The following DDX1 variants were observed in gnomAD, a reference collection of about 807,000 sequenced individuals.
The protein encoded by DDX1 is DEAD-box helicase 1, also known as ATP-dependent RNA helicase DDX1.
DDX1 carries 28 observed loss-of-function variants against 108.7 expected under a neutral mutation model. The ratio of observed to expected loss-of-function variants is 0.26; its 90% CI spans 0.19 to 0.35. DDX1 has a LOEUF of 0.35. DDX1 is among the 10% of genes least tolerant of loss of function. The probability of loss-of-function intolerance (pLI) is 1.00; values close to 1 mark genes in which losing one functional copy is unlikely to be tolerated. For synonymous variants in DDX1, 295 were observed against 288.9 expected, an observed-to-expected ratio of 1.02 and a Z score of -0.21; for missense variants, 710 against 884.5, an observed-to-expected ratio of 0.80 and a Z score of 2.50.
intron 17 of DDX1, 124 bp from the exon 18 acceptor site, chr2:15,620,941 T>G (rs1665994461): frequency 1.7e-6 from 1 of 598,094 alleles, no homozygotes; most frequent in South Asian, 2.6e-5. Flanking sequence ...GATTATATTA[T>G]GAAGACATAT....
At chr2:15,611,630 G>A (rs1417567188) in intron 13 of DDX1, among the ~76,000 whole-genome samples, 2 of 107,956 alleles carry the variant, frequency 1.9e-5, no homozygotes, top group African/African-American at 5.2e-5. Context: ...CTTCCCAGTA[G>A]GGGTGGCCGG....
rs1558454233 is a variant in DDX1, at chr2:15,608,673, T to TTG, written c.956+1361_956+1362insGT. 3.4e-5 allele frequency among the ~76,000 whole-genome samples: 5 copies of TTG among 146,762 alleles called. 1 individual carries two copies. In the South Asian group the frequency reaches 8.7e-4, roughly 26 times the overall value. ...TGTGTTTTTTTTTAGGTTTTTTTTT[T>TTG]TTTTTTTTTTTTATGAAGTCTCGCT... On this transcript the variant is annotated intron_variant, in intron 13 of 25. Transcript: ENST00000233084.
chr2:15,602,492 T>G, intron 6 of DDX1, 56 bp from the exon 7 acceptor site: 1 of 1,283,426 alleles, frequency 7.8e-7, no homozygotes, highest in Non-Finnish European at 1.1e-6. Context: ...GGTGGGAATG[T>G]ATGATTTATA....
intron 20 of DDX1, chr2:15,627,414 TAGG>T (rs755796871): frequency 4.8e-5 from 13 of 271,156 alleles, no homozygotes; most frequent in East Asian, 8.1e-5. Context: ...TAGATATTTT[TAGG>T]AGAAGTATCA....
chr2:15,621,659 T>G (rs6755261), intron 18 of DDX1, among the ~76,000 whole-genome samples: 36,512 of 151,664 alleles, frequency 0.24, 5,409 homozygotes, highest in African/African-American at 0.42. Context: ...CTTTTTTTTT[T>G]TTTGTTTTTT....
At chr2:15,608,663 G>GGTT (rs1553341674) in intron 13 of DDX1, among the ~76,000 whole-genome samples, 1 of 106,728 alleles carries the variant, frequency 9.4e-6, no homozygotes, top group Non-Finnish European at 1.8e-5. Flanking sequence ...TTTTTTTTAG[G>GGTT]TTTTTTTTTT....
intron 13 of DDX1, among the ~76,000 whole-genome samples, chr2:15,612,565 G>A (rs1374657988): frequency 6.6e-6 from 1 of 151,660 alleles, no homozygotes; most frequent in Non-Finnish European, 1.5e-5. Flanking sequence ...CCAGATGATG[G>A]GCGGCCAGGC....
chr2:15,619,907 T>G lies in DDX1; in HGVS notation c.1207-301T>G, dbSNP rs550562961. Among the ~76,000 whole-genome samples, 378 of 152,282 alleles carry G rather than the reference T, an allele frequency of 2.5e-3. 1 individual carries two copies. Among genetic ancestry groups the G allele is most frequent in the African/African-American group, 8.7e-3 (361 of 41,560 alleles). ...GGAAGCATTTAAGAAGGACAAGCTTTTGAGAGAAGGGGACAGACAGTAATA... is the reference window on the plus strand; with the variant it reads ...GGAAGCATTTAAGAAGGACAAGCTTGTGAGAGAAGGGGACAGACAGTAATA... On this transcript the variant is annotated intron_variant, in intron 16 of 25. Coordinates refer to ENST00000233084, the MANE Select transcript of DDX1 (RefSeq NM_004939.3).
At chr2:15,604,407 T>A in intron 9 of DDX1, 30 bp from the exon 10 acceptor site, 5 of 1,405,374 alleles carry the variant, frequency 3.6e-6, no homozygotes, top group Non-Finnish European at 5.0e-6. Context: ...TTACTTTCTA[T>A]TAATAGCATT....
chr2:15,601,865 A>G (rs1665593797), intron 6 of DDX1, among the ~76,000 whole-genome samples: 1 of 152,248 alleles, frequency 6.6e-6, no homozygotes, highest in South Asian at 2.1e-4. Flanking sequence ...TCCAGTACAG[A>G]CAAAAAGCTG....
chr2:15,606,367 C>A, intron 12 of DDX1, 103 bp downstream of exon 12: 2 of 727,240 alleles, frequency 2.8e-6, no homozygotes, highest in Non-Finnish European at 4.5e-6. Context: ...ACTTTCCTTG[C>A]TGGTTTAGTC....
chr2:15,623,415 G>A (rs1295042488), intron 18 of DDX1, 21 bp from the exon 19 acceptor site: 1 of 1,610,774 alleles, frequency 6.2e-7, no homozygotes. Flanking sequence ...GTTGGTTTTT[G>A]TTGTTGTTAT....
At chr2:15,592,093 C>T (rs1392073245) in intron 1 of DDX1, 144 bp downstream of exon 1, 1 of 794,096 alleles carries the variant, frequency 1.3e-6, no homozygotes, top group Non-Finnish European at 1.8e-6. Flanking sequence ...CCTGATGGAC[C>T]CGCGTTGCGG....
chr2:15,620,962 C>G, intron 17 of DDX1, 103 bp from the exon 18 acceptor site: 1 of 688,900 alleles, frequency 1.5e-6, no homozygotes, highest in Non-Finnish European at 2.4e-6. Flanking sequence ...ATCTGAAATA[C>G]AGTCTAAAGA....
chr2:15,617,395 A>C (rs978362078), intron 15 of DDX1, 53 bp downstream of exon 15: 1 of 973,576 alleles, frequency 1.0e-6, no homozygotes. Flanking sequence ...ATTTTTTGAG[A>C]TAAAATATAT....
chr2:15,592,654 TC>T (rs1232370679), intron 1 of DDX1, among the ~76,000 whole-genome samples: 1 of 152,154 alleles, frequency 6.6e-6, no homozygotes, highest in Non-Finnish European at 1.5e-5. Context: ...TATTTTCGCC[TC>T]TTGCTTTATC....
intron 5 of DDX1, among the ~76,000 whole-genome samples, 160 bp from the exon 6 acceptor site, chr2:15,599,509 C>T (rs934923650): frequency 4.0e-5 from 6 of 151,804 alleles, no homozygotes; most frequent in African/African-American, 7.3e-5. Context: ...GATGAGGTTT[C>T]ACCACGTTGG....
At chr2:15,620,498 C>A in intron 17 of DDX1, 102 bp downstream of exon 17, 1 of 849,946 alleles carries the variant, frequency 1.2e-6, no homozygotes, top group Non-Finnish European at 1.8e-6. Flanking sequence ...GTTATTGTAT[C>A]AAAGAAAAGT....
intron 15 of DDX1, 52 bp from the exon 16 acceptor site, chr2:15,618,129 G>GT (rs1558457592): frequency 3.5e-6 from 4 of 1,129,200 alleles, no homozygotes; most frequent in South Asian, 3.3e-5. Flanking sequence ...TAAAACTTAC[G>GT]TTTTTTTCCA....
Sources: gnomAD v4.1 joint callset for allele counts (sites outside exome capture counted in the v4.1 genomes callset) on GRCh38, gnomAD v4.1.1 for gene constraint, MANE v1.5 for transcripts, NCBI Gene and HGNC (gene_info 2026-07-23, HGNC 2026-07-21) for gene names.